AAGAB: variants seen among roughly 807,000 people sequenced by gnomAD.
AAGAB encodes alpha and gamma adaptin binding protein, also known as alpha- and gamma-adaptin-binding protein p34.
AAGAB carries 38 observed loss-of-function variants against 44.1 expected under a neutral mutation model. The ratio of observed to expected loss-of-function variants is 0.86; its 90% CI spans 0.67 to 1.13. AAGAB has a LOEUF of 1.13. Ranked by LOEUF, AAGAB falls within the 50% of genes most tolerant of loss-of-function variation. The probability of loss-of-function intolerance (pLI) is 0.00; values close to 1 mark genes in which losing one functional copy is unlikely to be tolerated. For synonymous variants in AAGAB, 131 were observed against 131.8 expected, an observed-to-expected ratio of 0.99 and a Z score of 0.04; for missense variants, 450 against 373.8, an observed-to-expected ratio of 1.20 and a Z score of -1.68.
chr15:67,241,718 T>C (rs1273209716), intron 1 of AAGAB, among the ~76,000 whole-genome samples: 1 of 152,172 alleles, frequency 6.6e-6, no homozygotes, highest in East Asian at 1.9e-4. Flanking sequence ...AAACTATGTC[T>C]AAGAAAGTGC....
chr15:67,236,588 A>G, intron 2 of AAGAB, 42 bp downstream of exon 2: 2 of 1,603,866 alleles, frequency 1.2e-6, no homozygotes, highest in Non-Finnish European at 1.7e-6. Context: ...GAAGGCATGC[A>G]ATAATTTCTT....
chr15:67,229,015 A>G (rs930337580), intron 5 of AAGAB, among the ~76,000 whole-genome samples: 2 of 152,132 alleles, frequency 1.3e-5, no homozygotes, highest in African/African-American at 4.8e-5. Flanking sequence ...GGGTTGAAAA[A>G]CTACCTATCA....
chr15:67,207,010 C>A (rs933518594), intron 7 of AAGAB, among the ~76,000 whole-genome samples: 2 of 152,102 alleles, frequency 1.3e-5, no homozygotes, highest in Non-Finnish European at 2.9e-5. Flanking sequence ...GCAGAAACCC[C>A]GTCTCTACTA....
At chr15:67,225,947 ACT>A (rs1964193973) in intron 5 of AAGAB, among the ~76,000 whole-genome samples, 1 of 151,706 alleles carries the variant, frequency 6.6e-6, no homozygotes, top group Non-Finnish European at 1.5e-5. Context: ...CAACTACTAA[ACT>A]CTCTAAAGTG....
intron 4 of AAGAB, chr15:67,232,827 A>G (rs1198202285): frequency 1.1e-5 from 2 of 190,290 alleles, no homozygotes; most frequent in East Asian, 1.4e-4. Flanking sequence ...GCTGGCAAAA[A>G]GCCAAAGGAG....
intron 4 of AAGAB, among the ~76,000 whole-genome samples, chr15:67,233,937 A>G (rs1318477987): frequency 2.0e-5 from 3 of 151,996 alleles, no homozygotes; most frequent in Non-Finnish European, 4.4e-5. Context: ...TAACAGAAAT[A>G]TAGTGATTAA....
intron 5 of AAGAB, among the ~76,000 whole-genome samples, chr15:67,228,008 C>A (rs1363625723): frequency 6.6e-6 from 1 of 152,122 alleles, no homozygotes; most frequent in Non-Finnish European, 1.5e-5. Flanking sequence ...CCACAATGTA[C>A]CTCCTTGCTT....
Position 67,204,046 on chromosome 15 carries a change from T to A in AAGAB, c.818A>T (p.Lys273Ile). The change falls in exon 8 of 10, where the codon AAA becomes ATA. Residue 273 changes from lysine (K) to isoleucine (I), a missense_variant and splice_region_variant. Physicochemically the swap from Lys to Ile is moderately radical, Grantham distance 102. Transcript: ENST00000261880. The stretch of plus-strand genomic sequence containing the variant: ...TTAGACACAATGGATCTGATTACCT[T>A]TCATTTCCTTTAACTTTGAAAAGAG... ...ERLFSKLKEM[K>I]DKAATLPHEQ... 6.3e-7 allele frequency: 1 copy of A among 1,579,674 alleles called. No homozygotes were observed. Among genetic ancestry groups the A allele is most frequent in the Non-Finnish European group, 8.7e-7 (1 of 1,149,256 alleles).
intron 1 of AAGAB, among the ~76,000 whole-genome samples, chr15:67,244,746 G>A (rs1031059824): frequency 2.6e-5 from 4 of 151,398 alleles, no homozygotes; most frequent in Non-Finnish European, 5.9e-5. Context: ...GGAGGCTGCA[G>A]TGAGCCGAGA....
In AAGAB at chr15:67,201,031, A is replaced by G. The variant is rs1224600073; in HGVS notation, c.*1790T>C. 1.3e-5 allele frequency: 2 copies of G among 152,384 alleles called. No homozygotes were observed. The highest frequency in any genetic ancestry group is 2.9e-5 in the Non-Finnish European group (2 of 68,048). 9.4% of individuals were successfully genotyped at this position (152,384 alleles called of 1,614,324 possible). ...ATAATAATAGACATTAGCACAGTTT[A>G]TAAATAAATCACATTTTAATCATCT... On this transcript the variant is annotated 3_prime_UTR_variant, in exon 10 of 10. Coordinates refer to ENST00000261880, the MANE Select transcript of AAGAB (RefSeq NM_024666.5).
intron 1 of AAGAB, among the ~76,000 whole-genome samples, chr15:67,238,018 T>C (rs1428319960): frequency 1.3e-5 from 2 of 152,220 alleles, no homozygotes; most frequent in Non-Finnish European, 1.5e-5. Flanking sequence ...TGTATGAATA[T>C]ATACATGCAT....
At chr15:67,238,503 C>T (rs1964521186) in intron 1 of AAGAB, among the ~76,000 whole-genome samples, 1 of 152,182 alleles carries the variant, frequency 6.6e-6, no homozygotes, top group South Asian at 2.1e-4. Flanking sequence ...TGTTACACTC[C>T]AAACTTCAAG....
rs1441463185 is a variant in AAGAB, at chr15:67,201,579, G to A, written c.*1242C>T. On this transcript the variant is annotated 3_prime_UTR_variant, in exon 10 of 10. Coordinates refer to ENST00000261880, the MANE Select transcript of AAGAB (RefSeq NM_024666.5). Reference sequence around the variant, plus strand: ...AGGCCAGAACCAGTTCTCAGCTGGTGTGCGGGCACCTTCCATCCACTGTAC... The same window carrying A: ...AGGCCAGAACCAGTTCTCAGCTGGTATGCGGGCACCTTCCATCCACTGTAC... 1 of 152,400 alleles carries A rather than the reference G, an allele frequency of 6.6e-6. No homozygotes were observed. Among genetic ancestry groups the A allele is most frequent in the Non-Finnish European group, 1.5e-5 (1 of 68,090 alleles). The allele number at this position is 152,400 out of a possible 1,614,324, so 9.4% of individuals were successfully genotyped here.
chr15:67,214,255 C>T (rs141070995), intron 5 of AAGAB, among the ~76,000 whole-genome samples: 96 of 152,294 alleles, frequency 6.3e-4, no homozygotes, highest in Middle Eastern at 3.4e-3. Flanking sequence ...CACTGAAGTA[C>T]GCTGAATAAC....
At chr15:67,239,315 C>T (rs562304217) in intron 1 of AAGAB, among the ~76,000 whole-genome samples, 8 of 152,244 alleles carry the variant, frequency 5.3e-5, no homozygotes, top group Admixed American at 5.2e-4. Flanking sequence ...TTAATGATGG[C>T]TAATTTTATT....
intron 5 of AAGAB, among the ~76,000 whole-genome samples, chr15:67,213,776 T>C (rs535482789): frequency 6.6e-6 from 1 of 152,244 alleles, no homozygotes; most frequent in Non-Finnish European, 1.5e-5. Context: ...GGGTTAGTAA[T>C]AGATAACATT....
intron 1 of AAGAB, among the ~76,000 whole-genome samples, chr15:67,237,244 T>C (rs1193818431): frequency 1.3e-5 from 2 of 152,158 alleles, no homozygotes; most frequent in Non-Finnish European, 2.9e-5. Flanking sequence ...AAAAGGAAGA[T>C]AGGATTAAGG....
At chr15:67,237,434 G>A (rs1050166544) in intron 1 of AAGAB, among the ~76,000 whole-genome samples, 2 of 152,106 alleles carry the variant, frequency 1.3e-5, no homozygotes, top group African/African-American at 4.8e-5. Context: ...AGACACTTCC[G>A]ATAAATTTTA....
chr15:67,246,391 CAAAA>C (rs59205947), intron 1 of AAGAB, among the ~76,000 whole-genome samples: 1 of 109,794 alleles, frequency 9.1e-6, no homozygotes. Flanking sequence ...GATCCTGTCT[CAAAA>C]AAAAAAAAAA....
Sources: gnomAD v4.1 joint callset for allele counts (sites outside exome capture counted in the v4.1 genomes callset) on GRCh38, gnomAD v4.1.1 for gene constraint, MANE v1.5 for transcripts, NCBI Gene and HGNC (gene_info 2026-07-23, HGNC 2026-07-21) for gene names.